Variants in IGSF11 observed in about 807,000 individuals in gnomAD.
IGSF11 encodes immunoglobulin superfamily member 11, also known as CXADR like 1.
Under a neutral mutation model 41.0 loss-of-function variants are expected in IGSF11, and 22 were observed. The observed-to-expected ratio is 0.54, with a 90% CI of 0.38 to 0.77. The LOEUF is 0.77. IGSF11 is among the 30% of genes least tolerant of loss of function. The pLI is 0.00. For missense variants in IGSF11, 444 were observed against 530.8 expected (o/e 0.84, Z 1.61); for synonymous variants, 219 against 201.3 (o/e 1.09, Z -0.74).
chr3:119,040,982 G>T (rs1371560114), intron 1 of IGSF11, among the ~76,000 whole-genome samples: 1 of 152,148 alleles, frequency 6.6e-6, no homozygotes, highest in Non-Finnish European at 1.5e-5. Flanking sequence ...ATTGAAATCT[G>T]TAAAATGCAG....
intron 1 of IGSF11, among the ~76,000 whole-genome samples, chr3:119,091,646 C>G (rs1304703008): frequency 6.6e-6 from 1 of 152,110 alleles, no homozygotes; most frequent in Non-Finnish European, 1.5e-5. Context: ...TAACTGGGAG[C>G]TAAACACTGA....
At chr3:119,070,525 C>T (rs2076381772) in intron 1 of IGSF11, among the ~76,000 whole-genome samples, 2 of 152,160 alleles carry the variant, frequency 1.3e-5, no homozygotes, top group African/African-American at 4.8e-5. Context: ...AAAATCGTGT[C>T]CTATCTGGAC....
intron 1 of IGSF11, among the ~76,000 whole-genome samples, chr3:119,114,925 T>C (rs2077234923): frequency 6.6e-6 from 1 of 152,062 alleles, no homozygotes; most frequent in African/African-American, 2.4e-5. Flanking sequence ...CTTATAATCA[T>C]GATGGAAGGC....
chr3:118,928,530 C>T lies in IGSF11; in HGVS notation c.403G>A (p.Val135Ile). The stretch of plus-strand genomic sequence containing the variant: ...TCACCTAACACTGTGAGACCGGTGA[C>T]CCCAATGTTCCTGCCCCCTATGTCT... ...LPDIGGRNIG[V>I]TGLTVLVPPS... Residue 135 changes from valine (V) to isoleucine (I), a missense_variant, in exon 3 of 7, where the codon GTC becomes ATC. Val to Ile is a conservative substitution (Grantham distance 29, BLOSUM62 3). This residue lies in a region of IGSF11 where 193 missense variants were observed against 283.5 expected (regional missense o/e 0.68). Coordinates refer to ENST00000393775, the MANE Select transcript of IGSF11 (RefSeq NM_001015887.3). 1 of 1,612,852 alleles carries T rather than the reference C, an allele frequency of 6.2e-7. No individual in the cohort carries two copies. Among genetic ancestry groups the T allele is most frequent in the Non-Finnish European group, 8.5e-7 (1 of 1,179,834 alleles).
rs2077491438 is a variant in IGSF11 at position 119,132,176 on chromosome 3, G to A, written c.-14+13637C>T. On this transcript the variant is annotated intron_variant, in intron 1 of 7. Coordinates refer to the IGSF11 transcript ENST00000425327. ...AAAAATAACCAGCTGACATCATAAT[G>A]ACAGGATCAAATTCACATATAACAA... Among the ~76,000 whole-genome samples, 2 of 151,996 alleles carry A rather than the reference G, an allele frequency of 1.3e-5. 1 individual carries two copies. Among genetic ancestry groups the A allele is most frequent in the South Asian group, 4.2e-4 (2 of 4,816 alleles).
chr3:118,931,594 A>C (rs58284747), intron 1 of IGSF11, among the ~76,000 whole-genome samples: 11,898 of 152,258 alleles, frequency 0.078, 657 homozygotes, highest in Admixed American at 0.16. Context: ...GAAAAGGCAA[A>C]TCTATAGAGA....
At chr3:119,092,406 G>A (rs1190555383) in intron 1 of IGSF11, among the ~76,000 whole-genome samples, 1 of 151,912 alleles carries the variant, frequency 6.6e-6, no homozygotes, top group East Asian at 1.9e-4. Context: ...CGCAATTTTG[G>A]CTCACTGCAA....
At chr3:119,091,905 A>G (rs2076766583) in intron 1 of IGSF11, among the ~76,000 whole-genome samples, 1 of 152,068 alleles carries the variant, frequency 6.6e-6, no homozygotes, top group South Asian at 2.1e-4. Context: ...AAAAATAGAA[A>G]AAAACTTACA....
At chr3:119,072,254 C>T (rs74355362) in intron 1 of IGSF11, among the ~76,000 whole-genome samples, 1 of 152,136 alleles carries the variant, frequency 6.6e-6, no homozygotes, top group African/African-American at 2.4e-5. Flanking sequence ...AACAAATAAG[C>T]CTTTTTAAAA....
intron 1 of IGSF11, among the ~76,000 whole-genome samples, chr3:118,980,988 C>A (rs189244803): frequency 1.3e-5 from 2 of 152,136 alleles, no homozygotes; most frequent in Admixed American, 6.5e-5. Flanking sequence ...ACCCATTTAC[C>A]ACTTTATGTG....
intron 1 of IGSF11, chr3:118,947,495 T>C (rs1374484629): frequency 6.6e-6 from 1 of 152,162 alleles, no homozygotes; most frequent in Non-Finnish European, 1.5e-5. Context: ...TTTAAATTGA[T>C]GGATAAATAA....
intron 1 of IGSF11, among the ~76,000 whole-genome samples, chr3:119,115,643 G>A (rs76974048): frequency 5.9e-4 from 90 of 152,168 alleles, no homozygotes; most frequent in African/African-American, 1.9e-3. Flanking sequence ...ATATAATCTG[G>A]TAACTAATCC....
chr3:119,052,691 A>G (rs1703849988), intron 1 of IGSF11, among the ~76,000 whole-genome samples: 1 of 152,088 alleles, frequency 6.6e-6, no homozygotes. Flanking sequence ...CACAGAAAAA[A>G]AAAAAGAAAC....
chr3:119,101,340 T>C lies in IGSF11; in HGVS notation c.49+3804A>G, dbSNP rs1000665597. On this transcript the variant is annotated intron_variant, in intron 1 of 6. Transcript: ENST00000354673. ...GCCTGACCAACATGGAGAAACCCTG[T>C]CTCTACTAAAAATACAAAATTAGCC... Among the ~76,000 whole-genome samples, 5 of 152,178 alleles carry C rather than the reference T, an allele frequency of 3.3e-5. 1 individual carries two copies. Among genetic ancestry groups the C allele is most frequent in the East Asian group, 3.9e-4 (2 of 5,176 alleles).
At chr3:118,931,021 T>C (rs879347333) in intron 1 of IGSF11, among the ~76,000 whole-genome samples, 4 of 152,222 alleles carry the variant, frequency 2.6e-5, no homozygotes, top group South Asian at 2.1e-4. Flanking sequence ...TTTTTAAGGA[T>C]AGACATATAG....
At position 119,004,084 on chromosome 3, in the gene IGSF11, A is replaced by C. The variant is rs930494602; in HGVS notation, c.52+30447T>G. Among the ~76,000 whole-genome samples, 6 of 150,994 alleles carry C rather than the reference A, an allele frequency of 4.0e-5. No homozygotes were observed. In the South Asian group the frequency reaches 1.3e-3, roughly 32 times the overall value. ...TCTGGTAGAATTCGGCTGTGAATCC[A>C]TCTGGTCCTGGACTCTTTTTGGTTG... On this transcript the variant is annotated intron_variant, in intron 1 of 6. Coordinates refer to ENST00000393775, the MANE Select transcript of IGSF11 (RefSeq NM_001015887.3).
At chr3:118,982,167 C>T (rs750048241) in intron 1 of IGSF11, among the ~76,000 whole-genome samples, 1 of 152,128 alleles carries the variant, frequency 6.6e-6, no homozygotes, top group Non-Finnish European at 1.5e-5. Flanking sequence ...GACTGTCCAC[C>T]GGGATAAAGA....
In IGSF11 at chr3:118,953,126, G is replaced by A. The variant is rs75436171; in HGVS notation, c.53-22851C>T. Among the ~76,000 whole-genome samples the A allele has an allele frequency of 1.1e-4, 17 of 151,844 alleles. No individual in the cohort carries two copies. In the South Asian group the frequency reaches 1.2e-3, roughly 11 times the overall value. On this transcript the variant is annotated intron_variant, in intron 1 of 6. Coordinates refer to ENST00000393775, the MANE Select transcript of IGSF11 (RefSeq NM_001015887.3). ...TTTGAACCCTCACAGCTTAGCTCCC[G>A]CCTGTGAGTGAGAACACATGATGTT...
intron 1 of IGSF11, among the ~76,000 whole-genome samples, chr3:119,031,496 G>A (rs1940393969): frequency 6.6e-6 from 1 of 152,150 alleles, no homozygotes; most frequent in Non-Finnish European, 1.5e-5. Flanking sequence ...TCTCCACTAT[G>A]AAAGTGTGAA....
Sources: allele counts gnomAD v4.1 joint callset (sites outside exome capture counted in the v4.1 genomes callset), GRCh38; gene constraint gnomAD v4.1.1; regional missense constraint gnomAD v4.1.1; transcripts MANE v1.5; gene names NCBI Gene and HGNC (gene_info 2026-07-23, HGNC 2026-07-21).